The following PPDPFL variants were observed in gnomAD, a reference collection of about 807,000 sequenced individuals.
PPDPFL encodes pancreatic progenitor cell differentiation and proliferation factor-like protein.
In PPDPFL, 12 loss-of-function variants were observed where a neutral mutation model predicts 12.6. That is an observed-to-expected ratio of 0.95 (90% CI 0.61 to 1.54). The LOEUF (loss-of-function observed/expected upper bound fraction) is 1.54, where lower values mean the gene tolerates loss of function less well. Ranked by LOEUF, PPDPFL falls within the 40% of genes most tolerant of loss-of-function variation. The pLI is 0.00. For missense variants in PPDPFL, 114 were observed against 96.0 expected, an observed-to-expected ratio of 1.19 and a Z score of -0.78; for synonymous variants, 24 against 32.7, an observed-to-expected ratio of 0.73 and a Z score of 0.91.
rs181482238 is a variant in PPDPFL, at chr8:49,076,033, T to G, written c.*860T>G. On this transcript the variant is annotated 3_prime_UTR_variant, in exon 5 of 5. Transcript: ENST00000522267. ...ATATATTTTTCCATATCTCCCAATT[T>G]TTCTAATATGACAAGTATTGTGCGT... 1 of 152,330 alleles carries G rather than the reference T, an allele frequency of 6.6e-6. No individual in the cohort carries two copies. Among genetic ancestry groups the G allele is most frequent in the Non-Finnish European group, 1.5e-5 (1 of 68,038 alleles). 9.4% of individuals were successfully genotyped at this position (152,330 alleles called of 1,614,324 possible). A position where few individuals can be genotyped will look rare whatever the true frequency, so the allele number is the denominator to read the frequency against.
rs1210971803 is a variant in PPDPFL, at chr8:49,075,778, AT to A, written c.*606del. The A allele has an allele frequency of 6.4e-6, 1 of 157,332 alleles. No homozygotes were observed. Among genetic ancestry groups the A allele is most frequent in the Non-Finnish European group, 1.4e-5 (1 of 71,090 alleles). The allele number at this position is 157,332 out of a possible 1,614,324, so 9.7% of individuals were successfully genotyped here. A position where few individuals can be genotyped will look rare whatever the true frequency, so the allele number is the denominator to read the frequency against. ...TGTATCATTAAGTATATTAGAGCTA[AT>A]CAATTGGTCATTGTATAGACTTTAA... On this transcript the variant is annotated 3_prime_UTR_variant, in exon 5 of 5. Coordinates refer to ENST00000522267, the MANE Select transcript of PPDPFL (RefSeq NM_001256597.2).
intron 2 of PPDPFL, 132 bp from the exon 3 acceptor site, chr8:49,073,927 C>A (rs1213024526): frequency 4.7e-6 from 3 of 637,888 alleles, no homozygotes; most frequent in Non-Finnish European, 8.2e-6. Flanking sequence ...ATCAGTTTTT[C>A]AATTCATGAA....
In PPDPFL at chr8:49,060,953, C is replaced by T. The variant is rs1343450958; in HGVS notation, c.-45+6584C>T. Among the ~76,000 whole-genome samples, 3 of 151,994 alleles carry T rather than the reference C, an allele frequency of 2.0e-5. No individual in the cohort carries two copies. In the East Asian group the frequency reaches 5.8e-4, roughly 29 times the overall value. On this transcript the variant is annotated intron_variant, in intron 1 of 4. Coordinates refer to the PPDPFL transcript ENST00000517663. ...ACAGGTGATGCTCAAGGACTGTCTC[C>T]CTCATGCCTCAGTAAACTCCCCCTA...
chr8:49,065,245 C>A (rs1051034855), intron 1 of PPDPFL, among the ~76,000 whole-genome samples: 2 of 152,168 alleles, frequency 1.3e-5, no homozygotes, highest in Non-Finnish European at 2.9e-5. Context: ...CACCTCCCCC[C>A]AGTGTATGAG....
In PPDPFL at chr8:49,072,780, GT is replaced by G; in HGVS notation, c.-44-4del. ...ATCAATGTCTCTTTTCTCTGTCGCT[GT>G]TTCAGATTAATGCTCACAGCTTCTT... On this transcript the variant is annotated splice_polypyrimidine_tract_variant and splice_region_variant and intron_variant, in intron 1 of 4. Transcript: ENST00000522267. 1 of 1,441,062 alleles carries G rather than the reference GT, an allele frequency of 6.9e-7. No individual in the cohort carries two copies. The highest frequency in any genetic ancestry group is 9.5e-7 in the Non-Finnish European group (1 of 1,055,130). The allele number at this position is 1,441,062 out of a possible 1,614,324, so 89.3% of individuals were successfully genotyped here.
upstream of PPDPFL, among the ~76,000 whole-genome samples, chr8:49,069,771 C>T (rs371580756): frequency 9.6e-4 from 146 of 152,196 alleles, 1 homozygote; most frequent in African/African-American, 3.4e-3. Flanking sequence ...CCCATCTCTG[C>T]TAAAAATACA....
Position 49,075,379 on chromosome 8 carries a change from A to ATCT in PPDPFL, c.*206_*207insTCT. On this transcript the variant is annotated 3_prime_UTR_variant, in exon 5 of 5. Transcript: ENST00000522267. ...ATGTGTCTGAGATCTCATTTATGAG[A>ATCT]CAAGATCACAGCAGCCACTGATATA... is the stretch of plus-strand genomic sequence containing the variant. The ATCT allele has an allele frequency of 1.9e-6, 2 of 1,050,926 alleles. No homozygotes were observed. The highest frequency in any genetic ancestry group is 2.9e-6 in the Non-Finnish European group (2 of 678,830). 65.1% of individuals were successfully genotyped at this position (1,050,926 alleles called of 1,614,324 possible). A position where few individuals can be genotyped will look rare whatever the true frequency, so the allele number is the denominator to read the frequency against.
intron 1 of PPDPFL, among the ~76,000 whole-genome samples, chr8:49,055,008 AT>A (rs1256574576): frequency 6.6e-6 from 1 of 152,148 alleles, no homozygotes; most frequent in Non-Finnish European, 1.5e-5. Flanking sequence ...GTTGAGCTCC[AT>A]GATGCTTCAG....
At chr8:49,067,301 G>A (rs1230969021) in intron 1 of PPDPFL, among the ~76,000 whole-genome samples, 1 of 152,190 alleles carries the variant, frequency 6.6e-6, no homozygotes, top group Non-Finnish European at 1.5e-5. Context: ...TGTTTATAGA[G>A]TACATGCTAC....
chr8:49,060,500 A>T (rs1046683317), intron 1 of PPDPFL, among the ~76,000 whole-genome samples: 2 of 151,982 alleles, frequency 1.3e-5, no homozygotes, highest in African/African-American at 2.4e-5. Context: ...TTTAGTAGAG[A>T]CAGGGTTTCT....
rs1170920168 is a variant in PPDPFL at position 49,075,983 on chromosome 8, A to T, written c.*810A>T. ...CAGGGCTATTTCTGGAGATGGGATT[A>T]TGGGCGTTTTTCATTCTCTTTTTAA... On this transcript the variant is annotated 3_prime_UTR_variant, in exon 5 of 5. Transcript: ENST00000522267. The T allele has an allele frequency of 6.6e-6, 1 of 152,172 alleles. No homozygotes were observed. Among genetic ancestry groups the T allele is most frequent in the East Asian group, 1.9e-4 (1 of 5,198 alleles). The allele number at this position is 152,172 out of a possible 1,614,324, so 9.4% of individuals were successfully genotyped here.
In PPDPFL at chr8:49,074,228, T is replaced by G; in HGVS notation, c.134-6T>G. The G allele has an allele frequency of 6.2e-7, 1 of 1,613,140 alleles. No homozygotes were observed. The highest frequency in any genetic ancestry group is 8.5e-7 in the Non-Finnish European group (1 of 1,179,142). On this transcript the variant is annotated splice_polypyrimidine_tract_variant and splice_region_variant and intron_variant, in intron 3 of 4. Coordinates refer to ENST00000522267, the MANE Select transcript of PPDPFL (RefSeq NM_001256597.2). ...GATAAGGAGTAACATGAATTTTATT[T>G]AATAGGGTTGCCTGAAGTGGCAGAA...
Position 49,075,162 on chromosome 8 carries a change from A to G in PPDPFL, c.244A>G (p.Ser82Gly). The G allele has an allele frequency of 6.2e-7, 1 of 1,613,620 alleles. No individual in the cohort carries two copies. Among genetic ancestry groups the G allele is most frequent in the Non-Finnish European group, 8.5e-7 (1 of 1,179,598 alleles). ...ATAAAATCAACCCAGATTACAGATGAGCACTTTGTAGCTGATCATCTTTGC... is the reference window on the plus strand; with the variant it reads ...ATAAAATCAACCCAGATTACAGATGGGCACTTTGTAGCTGATCATCTTTGC... Reference protein sequence around the residue: ...KDLSATGLQMSTL With the variant: ...KDLSATGLQMGTL Residue 82 changes from serine (S) to glycine (G), a missense_variant, in exon 5 of 5, where the codon AGC becomes GGC. By Grantham distance (56) the Ser-to-Gly change is moderately conservative (BLOSUM62 0). Coordinates refer to ENST00000522267, the MANE Select transcript of PPDPFL (RefSeq NM_001256597.2).
chr8:49,075,939 A>C lies in PPDPFL; in HGVS notation c.*766A>C, dbSNP rs1048674319. ...ATATGCATAAAGATAGACTGGAAGG[A>C]ACTGTACCAAAATGCTGACAGGGCT... On this transcript the variant is annotated 3_prime_UTR_variant, in exon 5 of 5. Coordinates refer to ENST00000522267, the MANE Select transcript of PPDPFL (RefSeq NM_001256597.2). 1 of 152,224 alleles carries C rather than the reference A, an allele frequency of 6.6e-6. No individual in the cohort carries two copies. The highest frequency in any genetic ancestry group is 6.5e-5 in the Admixed American group (1 of 15,272). The allele number at this position is 152,224 out of a possible 1,614,324, so 9.4% of individuals were successfully genotyped here. A position where few individuals can be genotyped will look rare whatever the true frequency, so the allele number is the denominator to read the frequency against.
At chr8:49,058,030 A>G (rs1808139072) in intron 1 of PPDPFL, among the ~76,000 whole-genome samples, 2 of 152,222 alleles carry the variant, frequency 1.3e-5, no homozygotes, top group Admixed American at 1.3e-4. Context: ...TCCTTACCTC[A>G]GCACATTTAG....
At chr8:49,065,825 A>G (rs1017347362) in intron 1 of PPDPFL, among the ~76,000 whole-genome samples, 2 of 152,192 alleles carry the variant, frequency 1.3e-5, no homozygotes, top group Non-Finnish European at 2.9e-5. Context: ...CTGAAGACCT[A>G]TTTTGGGGGA....
upstream of PPDPFL, among the ~76,000 whole-genome samples, chr8:49,068,434 A>G (rs1216835106): frequency 6.6e-6 from 1 of 152,176 alleles, no homozygotes; most frequent in Non-Finnish European, 1.5e-5. Context: ...ACTTATGAAG[A>G]AATCTCCTGC....
intron 4 of PPDPFL, 133 bp from the exon 5 acceptor site, chr8:49,075,019 A>G (rs1332325446): frequency 1.4e-6 from 2 of 1,423,356 alleles, no homozygotes; most frequent in East Asian, 2.5e-5. Flanking sequence ...AAGTATTTTT[A>G]AAAGCCAATG....
At chr8:49,061,969 A>C (rs899770855) in intron 1 of PPDPFL, among the ~76,000 whole-genome samples, 2 of 152,176 alleles carry the variant, frequency 1.3e-5, no homozygotes, top group Non-Finnish European at 2.9e-5. Context: ...CCTTCGTTTT[A>C]AAATCAGGGC....
Sources: allele counts gnomAD v4.1 joint callset (sites outside exome capture counted in the v4.1 genomes callset), GRCh38; gene constraint gnomAD v4.1.1; transcripts MANE v1.5; gene names NCBI Gene and HGNC (gene_info 2026-07-23, HGNC 2026-07-21).